Variants in ACOT7 observed in about 807,000 individuals in gnomAD.
ACOT7 encodes cytosolic acyl coenzyme A thioester hydrolase.
In ACOT7, 12 loss-of-function variants were observed where a neutral mutation model predicts 40.2. The observed-to-expected ratio is 0.30, with a 90% CI of 0.19 to 0.48. ACOT7 has a LOEUF of 0.48. Ranked by LOEUF, ACOT7 falls within the 20% of genes least tolerant of loss-of-function variation. ACOT7 has a pLI of 0.99. For missense variants in ACOT7, 395 were observed against 530.8 expected (o/e 0.74, Z 2.51); for synonymous variants, 228 against 219.5 (o/e 1.04, Z -0.34).
At chr1:6,317,185 A>G (rs919529084) in intron 6 of ACOT7, among the ~76,000 whole-genome samples, 1 of 152,112 alleles carries the variant, frequency 6.6e-6, no homozygotes, top group Non-Finnish European at 1.5e-5. Context: ...CAGCACCTTC[A>G]CAACTTCTGC....
At chr1:6,265,960 C>G (rs1270227212) in intron 8 of ACOT7, among the ~76,000 whole-genome samples, 1 of 152,210 alleles carries the variant, frequency 6.6e-6, no homozygotes, top group Non-Finnish European at 1.5e-5. Context: ...CCCCTCAGCT[C>G]TCTCCAAAAT....
In ACOT7 at chr1:6,358,751, C is replaced by T. The variant is rs1641819278; in HGVS notation, c.144-8885G>A. ...GGCCGAGTCCCCTCTACCCACCCTTCCCTTCCAAATGTCCCTAAACAATCC... is the reference window on the plus strand; with the variant it reads ...GGCCGAGTCCCCTCTACCCACCCTTTCCTTCCAAATGTCCCTAAACAATCC... On this transcript the variant is annotated intron_variant, in intron 1 of 8. Coordinates refer to ENST00000361521, the MANE Select transcript of ACOT7 (RefSeq NM_007274.4). This position sits in a 1 kb window ranked among gnomAD's most constrained non-coding sequence, Gnocchi z 4.1. 1 of 1,482,770 alleles carries T rather than the reference C, an allele frequency of 6.7e-7. No individual in the cohort carries two copies. Among genetic ancestry groups the T allele is most frequent in the Admixed American group, 1.7e-5 (1 of 59,112 alleles). 91.9% of individuals were successfully genotyped at this position (1,482,770 alleles called of 1,614,324 possible).
At chr1:6,325,015 C>T (rs1002366309) in intron 5 of ACOT7, among the ~76,000 whole-genome samples, 96 of 152,358 alleles carry the variant, frequency 6.3e-4, no homozygotes, top group African/African-American at 2.0e-3. Flanking sequence ...CCCAAAAGCA[C>T]GGCCTGGGCA....
intron 1 of ACOT7, among the ~76,000 whole-genome samples, chr1:6,377,357 G>A (rs191617608): frequency 6.6e-5 from 10 of 152,142 alleles, no homozygotes; most frequent in African/African-American, 2.4e-4. Flanking sequence ...ACAACATAGC[G>A]AGACTCCATC....
chr1:6,312,336 G>C (rs1211701871), intron 6 of ACOT7, among the ~76,000 whole-genome samples: 1 of 152,164 alleles, frequency 6.6e-6, no homozygotes, highest in Non-Finnish European at 1.5e-5. Context: ...ATAACTAAAA[G>C]AGTGTAAGTG....
At chr1:6,336,287 T>C (rs1270315168) in intron 3 of ACOT7, among the ~76,000 whole-genome samples, 2 of 141,836 alleles carry the variant, frequency 1.4e-5, no homozygotes, top group Non-Finnish European at 3.0e-5. Context: ...TGAGCCGAGA[T>C]TGCGCCACTG....
At chr1:6,268,285 C>T (rs762039121) in intron 8 of ACOT7, among the ~76,000 whole-genome samples, 3 of 152,210 alleles carry the variant, frequency 2.0e-5, no homozygotes, top group Non-Finnish European at 4.4e-5. Context: ...GTTGAGAGCT[C>T]TCTGTGGTGG....
intron 4 of ACOT7, 123 bp downstream of exon 4, chr1:6,333,354 T>A: frequency 9.1e-7 from 1 of 1,096,916 alleles, no homozygotes; most frequent in Non-Finnish European, 1.3e-6. Context: ...CCTGGCCCCC[T>A]GTGCCCTAGC....
At chr1:6,300,574 G>A (rs933430951) in intron 6 of ACOT7, among the ~76,000 whole-genome samples, 4 of 143,708 alleles carry the variant, frequency 2.8e-5, no homozygotes, top group South Asian at 4.5e-4. Context: ...CCTGATGCGC[G>A]GCCGGCCCTC....
intron 3 of ACOT7, among the ~76,000 whole-genome samples, chr1:6,336,283 G>T (rs901480970): frequency 2.1e-5 from 3 of 140,978 alleles, no homozygotes; most frequent in African/African-American, 8.1e-5. Context: ...GTAGTGAGCC[G>T]AGATTGCGCC....
At chr1:6,365,448 A>T (rs1230817913) in intron 1 of ACOT7, among the ~76,000 whole-genome samples, 1 of 152,078 alleles carries the variant, frequency 6.6e-6, no homozygotes, top group East Asian at 1.9e-4. Context: ...ATTATGCCTT[A>T]AAAAAAAGTA....
chr1:6,281,519 G>A (rs976641483), intron 7 of ACOT7, among the ~76,000 whole-genome samples: 1 of 152,236 alleles, frequency 6.6e-6, no homozygotes, highest in African/African-American at 2.4e-5. Flanking sequence ...AAGGATTTTG[G>A]TGGCCATGAG....
intron 7 of ACOT7, among the ~76,000 whole-genome samples, chr1:6,290,711 C>T (rs974173574): frequency 1.3e-5 from 2 of 152,240 alleles, no homozygotes; most frequent in African/African-American, 2.4e-5. Context: ...GGAGACGTCA[C>T]ATCCGTTCTC....
chr1:6,365,566 G>A (rs551445510), intron 1 of ACOT7, among the ~76,000 whole-genome samples: 9 of 152,084 alleles, frequency 5.9e-5, no homozygotes, highest in African/African-American at 1.9e-4. Context: ...TCAGGAGATC[G>A]AGACCATCCT....
intron 5 of ACOT7, among the ~76,000 whole-genome samples, chr1:6,318,996 G>C (rs540606897): frequency 6.6e-6 from 1 of 152,260 alleles, no homozygotes; most frequent in South Asian, 2.1e-4. Flanking sequence ...AGAATGTACA[G>C]CTCCACAGGG....
chr1:6,322,918 G>A (rs1241802380), intron 5 of ACOT7, among the ~76,000 whole-genome samples: 2 of 152,066 alleles, frequency 1.3e-5, no homozygotes, highest in Admixed American at 1.3e-4. Flanking sequence ...ATCACCTGAG[G>A]TCAGGAGTTC....
chr1:6,350,332 A>C (rs1641555932), intron 1 of ACOT7, among the ~76,000 whole-genome samples: 3 of 152,150 alleles, frequency 2.0e-5, no homozygotes, highest in Non-Finnish European at 4.4e-5. Flanking sequence ...AGAACTAAAC[A>C]TGAGTCGCAG....
intron 2 of ACOT7, among the ~76,000 whole-genome samples, chr1:6,348,209 C>T (rs1472362397): frequency 6.6e-6 from 1 of 152,180 alleles, no homozygotes; most frequent in Non-Finnish European, 1.5e-5. Context: ...CCTCCTAAAC[C>T]AGGCACTGCC....
intron 1 of ACOT7, among the ~76,000 whole-genome samples, chr1:6,392,311 T>C (rs905642314): frequency 3.3e-5 from 5 of 152,132 alleles, no homozygotes; most frequent in African/African-American, 1.2e-4. Flanking sequence ...TCAAGCAGGA[T>C]AGGACCGGTC....
Sources: gnomAD v4.1 joint callset for allele counts (sites outside exome capture counted in the v4.1 genomes callset) on GRCh38, gnomAD v4.1.1 for gene constraint, Gnocchi (gnomAD v3.1) non-coding constraint, MANE v1.5 for transcripts, NCBI Gene and HGNC (gene_info 2026-07-23, HGNC 2026-07-21) for gene names.